Variants in CALN1 observed in about 807,000 individuals in gnomAD.
CALN1 encodes the protein calneuron 1, also known as calcium-binding protein 8.
In CALN1, 17 loss-of-function variants were observed where a neutral mutation model predicts 30.6. That is an observed-to-expected ratio of 0.56 (90% confidence interval 0.38 to 0.83). The LOEUF (loss-of-function observed/expected upper bound fraction) is 0.83. CALN1 is among the 40% of genes least tolerant of loss of function. CALN1 has a pLI of 0.00. For missense variants in CALN1, 291 were observed against 354.9 expected (o/e 0.82, Z 1.45); for synonymous variants, 156 against 131.4 (o/e 1.19, Z -1.28).
At chr7:71,805,223 C>T (rs1044883853) in intron 6 of CALN1, among the ~76,000 whole-genome samples, 5 of 152,166 alleles carry the variant, frequency 3.3e-5, no homozygotes, top group Non-Finnish European at 7.3e-5. Context: ...GGCTCTTCCA[C>T]CTTCTGATGG....
At chr7:72,410,496 GAAATA>G (rs1435641772) in intron 1 of CALN1, among the ~76,000 whole-genome samples, 2 of 152,108 alleles carry the variant, frequency 1.3e-5, no homozygotes, top group African/African-American at 2.4e-5. Context: ...AGATATCACG[GAAATA>G]AAATATATAC....
At chr7:72,296,184 G>A (rs1490301601) in intron 2 of CALN1, among the ~76,000 whole-genome samples, 1 of 151,230 alleles carries the variant, frequency 6.6e-6, no homozygotes, top group Non-Finnish European at 1.5e-5. Flanking sequence ...TGCGTATATT[G>A]AACCAGCCTT....
At chr7:71,898,128 G>A (rs915412696) in intron 5 of CALN1, among the ~76,000 whole-genome samples, 5 of 151,656 alleles carry the variant, frequency 3.3e-5, no homozygotes, top group Non-Finnish European at 7.4e-5. Context: ...TCAGGAGTTC[G>A]AGACCAGCCT....
At chr7:71,812,425 G>A (rs1402022971) in intron 5 of CALN1, among the ~76,000 whole-genome samples, 1 of 152,170 alleles carries the variant, frequency 6.6e-6, no homozygotes, top group African/African-American at 2.4e-5. Context: ...CCTGTAATAC[G>A]ATAGCAAAAC....
At chr7:72,078,045 C>T (rs1804870057) in intron 4 of CALN1, among the ~76,000 whole-genome samples, 1 of 152,152 alleles carries the variant, frequency 6.6e-6, no homozygotes, top group African/African-American at 2.4e-5. Flanking sequence ...CCATAGCAAT[C>T]CCGGCTAATG....
chr7:72,408,433 G>A (rs951076192), intron 1 of CALN1, among the ~76,000 whole-genome samples: 7 of 151,704 alleles, frequency 4.6e-5, no homozygotes, highest in African/African-American at 1.7e-4. Context: ...CAACAGACTC[G>A]GTCTCAGAAA....
intron 4 of CALN1, among the ~76,000 whole-genome samples, chr7:72,040,626 T>C (rs1379401992): frequency 6.6e-6 from 1 of 152,216 alleles, no homozygotes; most frequent in African/African-American, 2.4e-5. Context: ...TAAGGTTAAA[T>C]TGTCTCATAA....
intron 6 of CALN1, among the ~76,000 whole-genome samples, chr7:71,791,228 T>G (rs1217009007): frequency 1.3e-5 from 2 of 152,226 alleles, no homozygotes; most frequent in African/African-American, 4.8e-5. Flanking sequence ...CACATTTCCT[T>G]TATCCAATCT....
chr7:71,869,262 G>A (rs1196880395), intron 5 of CALN1, among the ~76,000 whole-genome samples: 4 of 151,550 alleles, frequency 2.6e-5, no homozygotes, highest in African/African-American at 4.9e-5. Context: ...CCAAGCTGGA[G>A]TGCAATGGCA....
intron 2 of CALN1, among the ~76,000 whole-genome samples, chr7:72,396,412 G>C: frequency 8.1e-6 from 1 of 123,624 alleles, no homozygotes; most frequent in Non-Finnish European, 1.6e-5. Flanking sequence ...GACAAAAGGA[G>C]ACTCTGTCTC....
At chr7:72,052,462 G>C (rs529711373) in intron 4 of CALN1, among the ~76,000 whole-genome samples, 2 of 129,468 alleles carry the variant, frequency 1.5e-5, no homozygotes, top group Non-Finnish European at 3.3e-5. Flanking sequence ...AGGCTTGGGG[G>C]TGATGGTCTT....
At chr7:72,322,260 T>C (rs1051276343) in intron 2 of CALN1, among the ~76,000 whole-genome samples, 59 of 152,196 alleles carry the variant, frequency 3.9e-4, no homozygotes, top group African/African-American at 1.4e-3. Flanking sequence ...CAGTTCACAA[T>C]AGGCTTCCTA....
chr7:72,328,029 A>G (rs1236262179), intron 2 of CALN1, among the ~76,000 whole-genome samples: 2 of 152,208 alleles, frequency 1.3e-5, no homozygotes, highest in Non-Finnish European at 2.9e-5. Flanking sequence ...ATGTACTTGA[A>G]ATGTTAATGG....
In CALN1 at chr7:71,796,344, C is replaced by T. The variant is rs377028229; in HGVS notation, c.659-8442G>A. Among the ~76,000 whole-genome samples the T allele has an allele frequency of 6.0e-5, 9 of 150,656 alleles. No individual in the cohort carries two copies. The East Asian group carries it at 1.2e-3, about 20-fold the overall frequency. On this transcript the variant is annotated intron_variant, in intron 6 of 6. Coordinates refer to ENST00000395275, the MANE Select transcript of CALN1 (RefSeq NM_031468.4). ...GTTGAATTACTGGGTTATATAGTAA[C>T]TCTATGTTTCTTTCTTTTTTTTTTT... is the stretch of plus-strand genomic sequence containing the variant.
chr7:72,395,126 A>G (rs1366606788), intron 2 of CALN1, among the ~76,000 whole-genome samples: 1 of 152,180 alleles, frequency 6.6e-6, no homozygotes, highest in Non-Finnish European at 1.5e-5. Context: ...TGTAGACTGC[A>G]TGAGGAAAGG....
intron 3 of CALN1, among the ~76,000 whole-genome samples, chr7:72,125,771 CCCCAAGT>C (rs1402634816): frequency 2.0e-5 from 3 of 150,840 alleles, no homozygotes; most frequent in African/African-American, 4.9e-5. Context: ...TTCCTGTCCT[CCCCAAGT>C]CCCAAGTCCA....
At chr7:71,801,210 A>C (rs538720889) in intron 6 of CALN1, among the ~76,000 whole-genome samples, 1 of 152,030 alleles carries the variant, frequency 6.6e-6, no homozygotes, top group African/African-American at 2.4e-5. Flanking sequence ...ATCCAGTTAA[A>C]ATTCTTTTTA....
intron 3 of CALN1, among the ~76,000 whole-genome samples, chr7:72,177,084 G>A (rs924353519): frequency 7.9e-5 from 12 of 152,136 alleles, no homozygotes; most frequent in East Asian, 1.9e-4. Context: ...GTGAGGAGGC[G>A]GGATGCGTGG....
At chr7:71,906,893 C>G (rs1794167901) in intron 5 of CALN1, among the ~76,000 whole-genome samples, 1 of 152,066 alleles carries the variant, frequency 6.6e-6, no homozygotes, top group Non-Finnish European at 1.5e-5. Flanking sequence ...TTTGCAAAAT[C>G]AAAAACAAAA....
Sources: gnomAD v4.1 joint callset for allele counts (sites outside exome capture counted in the v4.1 genomes callset) on GRCh38, gnomAD v4.1.1 for gene constraint, MANE v1.5 for transcripts, NCBI Gene and HGNC (gene_info 2026-07-23, HGNC 2026-07-21) for gene names.